TAFA1: variants seen among roughly 807,000 people sequenced by gnomAD.
TAFA1 encodes the protein chemokine-like protein TAFA-1.
Under a neutral mutation model 18.5 loss-of-function variants are expected in TAFA1, and 4 were observed. The ratio of observed to expected loss-of-function variants is 0.22; its 90% CI spans 0.11 to 0.49. The LOEUF is 0.49. Ranked by LOEUF, TAFA1 falls within the 20% of genes least tolerant of loss-of-function variation. The probability of loss-of-function intolerance (pLI) is 0.98; values close to 1 mark genes in which losing one functional copy is unlikely to be tolerated. For synonymous variants in TAFA1, 56 were observed against 55.2 expected, an observed-to-expected ratio of 1.01 and a Z score of -0.06; for missense variants, 147 against 169.0, an observed-to-expected ratio of 0.87 and a Z score of 0.72.
chr3:68,343,036 G>A (rs1435942513), intron 2 of TAFA1, among the ~76,000 whole-genome samples: 2 of 152,118 alleles, frequency 1.3e-5, no homozygotes, highest in African/African-American at 2.4e-5. Flanking sequence ...CACTTTGTAG[G>A]GGTGGGTGAG....
At chr3:68,403,344 G>A (rs936282471) in intron 2 of TAFA1, among the ~76,000 whole-genome samples, 2 of 152,160 alleles carry the variant, frequency 1.3e-5, no homozygotes, top group Non-Finnish European at 2.9e-5. Flanking sequence ...AATCTCATGG[G>A]CTTCAAACAG....
At chr3:68,224,561 T>C (rs2066772812) in intron 2 of TAFA1, among the ~76,000 whole-genome samples, 1 of 152,158 alleles carries the variant, frequency 6.6e-6, no homozygotes, top group Admixed American at 6.5e-5. Flanking sequence ...GAAAGCTTTC[T>C]AGCCTGTGGC....
intron 2 of TAFA1, among the ~76,000 whole-genome samples, chr3:68,294,971 C>T (rs79523466): frequency 0.024 from 3,637 of 152,258 alleles, 139 homozygotes; most frequent in African/African-American, 0.075. Flanking sequence ...TAGGCAGCAC[C>T]GGTTCACAGG....
chr3:68,459,489 G>T (rs559959192), intron 3 of TAFA1, among the ~76,000 whole-genome samples: 1 of 57,742 alleles, frequency 1.7e-5, no homozygotes, highest in African/African-American at 1.4e-4. Flanking sequence ...GTTTTTTAAC[G>T]CACTAGAAGA....
chr3:68,414,644 G>T (rs571901701), intron 2 of TAFA1, among the ~76,000 whole-genome samples: 22 of 152,236 alleles, frequency 1.4e-4, no homozygotes, highest in African/African-American at 4.3e-4. Flanking sequence ...TCCAGAAATG[G>T]CATTGAGCTC....
At position 68,050,596 on chromosome 3, in the gene TAFA1, C is replaced by T. The variant is rs1041644769; in HGVS notation, c.118+43852C>T. On this transcript the variant is annotated intron_variant, in intron 2 of 4. Transcript: ENST00000478136. ...CCTACCTTTGTGCTGGCTGCCTTTC[C>T]TATTGTCCTCAGCAGAGCCTTATGG... is the stretch of plus-strand genomic sequence containing the variant. 7.2e-5 allele frequency among the ~76,000 whole-genome samples: 11 copies of T among 152,258 alleles called. 1 individual carries two copies. The highest frequency in any genetic ancestry group is 5.9e-4 in the Admixed American group (9 of 15,278).
intron 2 of TAFA1, among the ~76,000 whole-genome samples, chr3:68,224,237 T>C (rs2066768849): frequency 6.6e-6 from 1 of 152,114 alleles, no homozygotes; most frequent in Non-Finnish European, 1.5e-5. Context: ...AGAATAAGAC[T>C]AAGAAGAGTA....
At chr3:68,262,047 G>A (rs759335285) in intron 2 of TAFA1, among the ~76,000 whole-genome samples, 4 of 151,084 alleles carry the variant, frequency 2.6e-5, no homozygotes, top group Non-Finnish European at 5.9e-5. Flanking sequence ...ATTTATTTAG[G>A]TAGAATCATT....
At chr3:68,309,687 T>C (rs914844629) in intron 2 of TAFA1, among the ~76,000 whole-genome samples, 1 of 152,222 alleles carries the variant, frequency 6.6e-6, no homozygotes, top group South Asian at 2.1e-4. Flanking sequence ...AGCTGCCACC[T>C]AAACTTACTT....
intron 2 of TAFA1, among the ~76,000 whole-genome samples, chr3:68,086,260 T>A (rs1197027833): frequency 6.6e-6 from 1 of 152,176 alleles, no homozygotes; most frequent in Non-Finnish European, 1.5e-5. Context: ...GGGCATTTGG[T>A]CATTGAGCTT....
At chr3:68,119,722 T>C in intron 2 of TAFA1, among the ~76,000 whole-genome samples, 1 of 152,202 alleles carries the variant, frequency 6.6e-6, no homozygotes, top group Non-Finnish European at 1.5e-5. Context: ...TCTAATTTGT[T>C]CTATTGGTCT....
chr3:68,538,238 G>A (rs140276792), intron 3 of TAFA1, among the ~76,000 whole-genome samples: 102 of 152,202 alleles, frequency 6.7e-4, no homozygotes, highest in South Asian at 2.3e-3. Context: ...TACAAATCTC[G>A]CAGCCTCCAG....
intron 3 of TAFA1, among the ~76,000 whole-genome samples, chr3:68,460,523 C>G (rs1196519645): frequency 6.6e-6 from 1 of 152,122 alleles, no homozygotes; most frequent in Non-Finnish European, 1.5e-5. Context: ...ATCAATTGAA[C>G]TATATTTTTA....
In TAFA1 at chr3:68,415,745, C is replaced by G. The variant is rs182981657; in HGVS notation, c.119-1535C>G. Reference sequence around the variant, plus strand: ...TACATGTGTTCTCTCTGTTTATACTCACACAACCCTGTGATACAGGTGTTA... The same window carrying G: ...TACATGTGTTCTCTCTGTTTATACTGACACAACCCTGTGATACAGGTGTTA... On this transcript the variant is annotated intron_variant, in intron 2 of 4. Transcript: ENST00000478136. 2.2e-4 allele frequency among the ~76,000 whole-genome samples: 33 copies of G among 152,170 alleles called. No individual in the cohort carries two copies. In the East Asian group the frequency reaches 6.0e-3, roughly 28 times the overall value.
At chr3:68,475,739 G>A (rs369645663) in intron 3 of TAFA1, among the ~76,000 whole-genome samples, 1,784 of 151,740 alleles carry the variant, frequency 0.012, 18 homozygotes, top group Middle Eastern at 0.031. Context: ...CGCCACACTG[G>A]CTTCCACAAT....
intron 3 of TAFA1, among the ~76,000 whole-genome samples, chr3:68,476,816 T>C (rs550923284): frequency 1.3e-5 from 2 of 152,306 alleles, no homozygotes; most frequent in Admixed American, 1.3e-4. Flanking sequence ...GTTATAACTA[T>C]TAGTGTTTTA....
chr3:68,485,427 T>A (rs2072317605), intron 3 of TAFA1, among the ~76,000 whole-genome samples: 1 of 152,214 alleles, frequency 6.6e-6, no homozygotes, highest in African/African-American at 2.4e-5. Context: ...GAAAAGTCCA[T>A]CATTTTTTGC....
chr3:68,360,021 C>A (rs534979252), intron 2 of TAFA1, among the ~76,000 whole-genome samples: 2 of 151,946 alleles, frequency 1.3e-5, no homozygotes, highest in Non-Finnish European at 2.9e-5. Context: ...GTTTTTTAGA[C>A]CCCCACTTGT....
At chr3:68,270,074 C>T (rs574984115) in intron 2 of TAFA1, among the ~76,000 whole-genome samples, 4 of 152,292 alleles carry the variant, frequency 2.6e-5, no homozygotes, top group South Asian at 4.1e-4. Context: ...ATGTATTCCT[C>T]CCTTTCTTTG....
Sources: gnomAD v4.1 joint callset for allele counts (sites outside exome capture counted in the v4.1 genomes callset) on GRCh38, gnomAD v4.1.1 for gene constraint, MANE v1.5 for transcripts, NCBI Gene and HGNC (gene_info 2026-07-23, HGNC 2026-07-21) for gene names.